CYP3A7: variants seen among roughly 807,000 people sequenced by gnomAD.
CYP3A7 encodes cytochrome P450 3A7.
A neutral mutation model predicts 55.2 loss-of-function variants in CYP3A7; 45 were observed. The ratio of observed to expected loss-of-function variants is 0.82; its 90% CI spans 0.64 to 1.05. CYP3A7 has a LOEUF of 1.05. Among genes scored for constraint, CYP3A7 ranks in the 50% least tolerant of loss-of-function variants. The pLI, the probability that CYP3A7 is intolerant of heterozygous loss-of-function variation, is 0.00. For missense variants in CYP3A7, 548 were observed against 605.3 expected, an observed-to-expected ratio of 0.91 and a Z score of 0.99; for synonymous variants, 180 against 207.4, an observed-to-expected ratio of 0.87 and a Z score of 1.13.
intron 7 of CYP3A7, 88 bp from the exon 8 acceptor site, chr7:99,714,770 G>C: frequency 6.4e-7 from 1 of 1,569,340 alleles, no homozygotes. Flanking sequence ...CTACCAATCA[G>C]AAGAGTGAAA....
At chr7:99,727,987 G>A (rs912996081) in intron 2 of CYP3A7, among the ~76,000 whole-genome samples, 1 of 152,194 alleles carries the variant, frequency 6.6e-6, no homozygotes, top group African/African-American at 2.4e-5. Flanking sequence ...AAGGGCCTCA[G>A]ACCCCATTGC....
chr7:99,710,630 T>C, intron 10 of CYP3A7, 102 bp downstream of exon 10: 1 of 1,584,730 alleles, frequency 6.3e-7, no homozygotes, highest in Non-Finnish European at 8.6e-7. Context: ...AATGAAACAA[T>C]CATGATTATG....
At chr7:99,713,603 C>T (rs1334322062) in intron 8 of CYP3A7, 68 bp from the exon 9 acceptor site, 2 of 1,605,030 alleles carry the variant, frequency 1.2e-6, no homozygotes, top group African/African-American at 1.3e-5. Context: ...ATCAGAAGTG[C>T]AGTCCTCAAC....
intron 8 of CYP3A7, 146 bp downstream of exon 8, chr7:99,714,409 C>T: frequency 7.5e-7 from 1 of 1,333,996 alleles, no homozygotes; most frequent in East Asian, 2.6e-5. Flanking sequence ...GCATTCCTAC[C>T]AAATGAATTA....
chr7:99,719,596 A>G (rs1239583450), intron 4 of CYP3A7, among the ~76,000 whole-genome samples: 1 of 56,348 alleles, frequency 1.8e-5, no homozygotes, highest in Non-Finnish European at 8.8e-5. Context: ...AGCACAATCC[A>G]TAAAAAAATA....
chr7:99,728,244 G>A (rs1424146254), intron 2 of CYP3A7, among the ~76,000 whole-genome samples: 1 of 152,134 alleles, frequency 6.6e-6, no homozygotes. Flanking sequence ...TAGGTTACAA[G>A]CAACTAGCCC....
chr7:99,734,993 C>A, intron 1 of CYP3A7, 30 bp downstream of exon 1: 1 of 1,613,878 alleles, frequency 6.2e-7, no homozygotes, highest in Non-Finnish European at 8.5e-7. Context: ...TCCAAGGAAA[C>A]AGAGAAGAGG....
At chr7:99,732,166 A>C (rs982761824) in intron 1 of CYP3A7, among the ~76,000 whole-genome samples, 2 of 152,024 alleles carry the variant, frequency 1.3e-5, no homozygotes, top group African/African-American at 4.8e-5. Context: ...CTTGACAATG[A>C]GTTTTTATGA....
intron 6 of CYP3A7, among the ~76,000 whole-genome samples, chr7:99,716,476 C>T (rs1261029848): frequency 6.6e-6 from 1 of 152,134 alleles, no homozygotes; most frequent in East Asian, 1.9e-4. Context: ...GCCCTGATGG[C>T]AGAATTATTT....
intron 1 of CYP3A7, 39 bp from the exon 2 acceptor site, chr7:99,731,191 A>G: frequency 6.2e-7 from 1 of 1,611,824 alleles, no homozygotes; most frequent in Non-Finnish European, 8.5e-7. Flanking sequence ...AGGGATTGTG[A>G]CTTTATAGAT....
rs565462804 is a variant in CYP3A7 at position 99,711,572 on chromosome 7, C to T, written c.866-680G>A. 3.3e-5 allele frequency among the ~76,000 whole-genome samples: 5 copies of T among 152,276 alleles called. No homozygotes were observed. The South Asian group carries it at 1.0e-3, about 32-fold the overall frequency. The stretch of plus-strand genomic sequence containing the variant: ...TCACCCGAGGTCAGGAGTTCAAGAC[C>T]AGCCTAACCAACATGGAGAAACCCC... On this transcript the variant is annotated intron_variant, in intron 9 of 12. Coordinates refer to ENST00000336374, the MANE Select transcript of CYP3A7 (RefSeq NM_000765.5).
chr7:99,708,271 A>G (rs1813596373), intron 11 of CYP3A7, among the ~76,000 whole-genome samples: 1 of 152,146 alleles, frequency 6.6e-6, no homozygotes, highest in African/African-American at 2.4e-5. Flanking sequence ...ATGTGTTCAC[A>G]CTACAAAAGG....
At chr7:99,732,259 T>C (rs1209969079) in intron 1 of CYP3A7, among the ~76,000 whole-genome samples, 1 of 152,182 alleles carries the variant, frequency 6.6e-6, no homozygotes, top group African/African-American at 2.4e-5. Context: ...TGCCTGCTTC[T>C]TTTTCACCTT....
intron 2 of CYP3A7, 187 bp downstream of exon 2, chr7:99,730,872 T>G: frequency 1.5e-6 from 1 of 688,942 alleles, no homozygotes; most frequent in Non-Finnish European, 2.3e-6. Context: ...GAGGCAAACT[T>G]GAGGTTCCTG....
At chr7:99,722,269 T>G in intron 3 of CYP3A7, 27 bp downstream of exon 3, 1 of 1,613,352 alleles carries the variant, frequency 6.2e-7, no homozygotes. Flanking sequence ...AACAAGTCTA[T>G]CCAATGGAAT....
chr7:99,717,024 G>A (rs1361724055), intron 6 of CYP3A7, among the ~76,000 whole-genome samples, 153 bp downstream of exon 6: 1 of 152,190 alleles, frequency 6.6e-6, no homozygotes, highest in Non-Finnish European at 1.5e-5. Context: ...CATCGGAGCT[G>A]CCCCATCTTG....
intron 1 of CYP3A7, 113 bp downstream of exon 1, chr7:99,734,910 C>A: frequency 6.5e-7 from 1 of 1,537,524 alleles, no homozygotes; most frequent in South Asian, 1.1e-5. Context: ...TGTGAGCCAC[C>A]ACGGCCAGCC....
At chr7:99,724,977 G>A (rs532602991) in intron 2 of CYP3A7, among the ~76,000 whole-genome samples, 11 of 152,210 alleles carry the variant, frequency 7.2e-5, no homozygotes, top group African/African-American at 2.6e-4. Flanking sequence ...ACCCACCAGT[G>A]CCATGAGCCA....
intron 8 of CYP3A7, 81 bp downstream of exon 8, chr7:99,714,474 A>G: frequency 6.3e-7 from 1 of 1,576,130 alleles, no homozygotes; most frequent in Non-Finnish European, 8.6e-7. Context: ...AAAAACATAC[A>G]GGGAAGTGCA....
Sources: allele counts gnomAD v4.1 joint callset (sites outside exome capture counted in the v4.1 genomes callset), GRCh38; gene constraint gnomAD v4.1.1; transcripts MANE v1.5; gene names NCBI Gene and HGNC (gene_info 2026-07-23, HGNC 2026-07-21).